MACROD1: variants seen among roughly 807,000 people sequenced by gnomAD.
MACROD1 encodes the protein ADP-ribose glycohydrolase MACROD1.
In MACROD1, 31 loss-of-function variants were observed where a neutral mutation model predicts 41.4. The observed-to-expected ratio is 0.75, with a 90% CI of 0.56 to 1.01. The LOEUF (loss-of-function observed/expected upper bound fraction) is 1.01. MACROD1 is among the 50% of genes least tolerant of loss of function. MACROD1 has a pLI of 0.00. For synonymous variants in MACROD1, 252 were observed against 203.4 expected (o/e 1.24, Z -2.03); for missense variants, 473 against 460.0 (o/e 1.03, Z -0.26).
Position 64,005,445 on chromosome 11 carries a change from T to C in MACROD1, c.548-5102A>G, listed in dbSNP as rs1274000100. Among the ~76,000 whole-genome samples the C allele has an allele frequency of 3.9e-5, 6 of 152,204 alleles. No individual in the cohort carries two copies. In the East Asian group the frequency reaches 7.7e-4, roughly 20 times the overall value. On this transcript the variant is annotated intron_variant, in intron 4 of 10. Transcript: ENST00000255681. Reference sequence around the variant, plus strand: ...GCCTTGCCTGGGCAGCTCTTGCCCCTGGCCCCCACCTTCCTAGACTCCTGT... The same window carrying C: ...GCCTTGCCTGGGCAGCTCTTGCCCCCGGCCCCCACCTTCCTAGACTCCTGT...
Position 63,998,954 on chromosome 11 carries a change from C to T in MACROD1, c.973+1G>A. On this transcript the variant is annotated splice_donor_variant, in intron 9 of 10. Coordinates refer to ENST00000255681, the MANE Select transcript of MACROD1 (RefSeq NM_014067.4). LOFTEE classifies it high-confidence loss of function. The stretch of plus-strand genomic sequence containing the variant: ...GCCGTGGGGCGGCGCGGGGCACGTA[C>T]CCACGGGGAAGTAGTGGGGGAGCCG... 5.6e-6 allele frequency: 9 copies of T among 1,596,246 alleles called. No individual in the cohort carries two copies. The highest frequency in any genetic ancestry group is 2.3e-5 in the East Asian group (1 of 44,358).
At chr11:64,107,274 G>A (rs1206970173) in intron 3 of MACROD1, among the ~76,000 whole-genome samples, 2 of 152,364 alleles carry the variant, frequency 1.3e-5, no homozygotes, top group Middle Eastern at 3.4e-3. Context: ...AATATCAGGT[G>A]TAGGAGCATC....
intron 3 of MACROD1, among the ~76,000 whole-genome samples, chr11:64,101,739 G>A (rs1041312860): frequency 1.1e-4 from 17 of 152,130 alleles, no homozygotes; most frequent in Admixed American, 9.2e-4. Flanking sequence ...TCCCTCCTGC[G>A]TAAGCCCCAC....
chr11:64,003,665 G>A (rs1457354230), intron 4 of MACROD1, among the ~76,000 whole-genome samples: 2 of 152,186 alleles, frequency 1.3e-5, no homozygotes, highest in Non-Finnish European at 2.9e-5. Flanking sequence ...GTTTATAGAA[G>A]AAGAAACTGA....
intron 3 of MACROD1, among the ~76,000 whole-genome samples, chr11:64,060,147 T>G (rs1943871378): frequency 6.6e-6 from 1 of 152,236 alleles, no homozygotes. Flanking sequence ...TTCTGTCAAG[T>G]GAATGAATAT....
intron 3 of MACROD1, among the ~76,000 whole-genome samples, chr11:64,128,308 T>C (rs615924): frequency 0.064 from 9,767 of 152,216 alleles, 395 homozygotes; most frequent in Middle Eastern, 0.15. Context: ...TCTGGGGCTG[T>C]CGAGGGCTCT....
intron 3 of MACROD1, among the ~76,000 whole-genome samples, chr11:64,113,504 G>A (rs1325903251): frequency 6.6e-6 from 1 of 151,186 alleles, no homozygotes; most frequent in Non-Finnish European, 1.5e-5. Flanking sequence ...ATGGTTGGAT[G>A]GATGGATAAT....
chr11:64,031,478 T>TA (rs1344315537), intron 3 of MACROD1, among the ~76,000 whole-genome samples: 1 of 129,178 alleles, frequency 7.7e-6, no homozygotes, highest in East Asian at 2.1e-4. Flanking sequence ...CTGCCTTCCT[T>TA]TTTTTTTTTT....
At chr11:64,046,515 A>C (rs903085193) in intron 3 of MACROD1, among the ~76,000 whole-genome samples, 1 of 152,202 alleles carries the variant, frequency 6.6e-6, no homozygotes, top group African/African-American at 2.4e-5. Context: ...GCTGTGCTCC[A>C]GCCCAGGTCA....
In MACROD1 at chr11:64,064,427, C is replaced by A. The variant is rs944793658; in HGVS notation, c.518-49146G>T. 2.0e-5 allele frequency among the ~76,000 whole-genome samples: 3 copies of A among 152,166 alleles called. No individual in the cohort carries two copies. Among genetic ancestry groups the A allele is most frequent in the Non-Finnish European group, 4.4e-5 (3 of 68,028 alleles). On this transcript the variant is annotated intron_variant, in intron 3 of 10. Coordinates refer to ENST00000255681, the MANE Select transcript of MACROD1 (RefSeq NM_014067.4). The surrounding 1 kb of genome is among the most constrained non-coding windows in gnomAD (Gnocchi z 4.5). ...GGCCAGTGCCGGGACTCCAGCTCCT[C>A]TGGGCACTGGGCAGGCAATCTCTGT...
At chr11:64,139,342 C>T (rs1188200448) in intron 3 of MACROD1, among the ~76,000 whole-genome samples, 1 of 152,196 alleles carries the variant, frequency 6.6e-6, no homozygotes, top group Non-Finnish European at 1.5e-5. Flanking sequence ...CAGGAGACTC[C>T]CACACAGCCG....
intron 4 of MACROD1, among the ~76,000 whole-genome samples, chr11:64,013,001 A>AT (rs909002950): frequency 7.5e-5 from 11 of 146,598 alleles, no homozygotes; most frequent in East Asian, 2.1e-4. Context: ...TGGTTAGTTG[A>AT]TTTTTTTTTG....
chr11:64,096,148 C>T lies in MACROD1; in HGVS notation c.517+55091G>A, dbSNP rs948609517. 4.6e-5 allele frequency among the ~76,000 whole-genome samples: 7 copies of T among 152,256 alleles called. No homozygotes were observed. Among genetic ancestry groups the T allele is most frequent in the African/African-American group, 1.2e-4 (5 of 41,470 alleles). ...CCAGACCCTGGAGGCCAGGAGGGGA[C>T]CAGGGCTGCCCGCCGGCTCCACCAC... On this transcript the variant is annotated intron_variant, in intron 3 of 10. Transcript: ENST00000255681. This position sits in a 1 kb window ranked among gnomAD's most constrained non-coding sequence, Gnocchi z 4.6.
At chr11:64,137,429 GAAAGA>G (rs991671826) in intron 3 of MACROD1, among the ~76,000 whole-genome samples, 17 of 152,076 alleles carry the variant, frequency 1.1e-4, no homozygotes, top group Non-Finnish European at 2.2e-4. Flanking sequence ...GCCAAGAGGA[GAAAGA>G]AAAGAAGGCA....
chr11:64,124,675 C>T (rs1452468326), intron 3 of MACROD1, among the ~76,000 whole-genome samples: 1 of 152,012 alleles, frequency 6.6e-6, no homozygotes, highest in African/African-American at 2.4e-5. Context: ...CAGAGCAAAG[C>T]CTGGTCTTTT....
At chr11:64,073,046 C>G (rs991947362) in intron 3 of MACROD1, among the ~76,000 whole-genome samples, 3 of 152,160 alleles carry the variant, frequency 2.0e-5, no homozygotes, top group African/African-American at 7.2e-5. Context: ...GCCAGCAGGC[C>G]CAGCTCCTGA....
rs771759889 is a variant in MACROD1, at chr11:64,146,912, G to A, written c.517+4327C>T. 7.0e-4 allele frequency among the ~76,000 whole-genome samples: 105 copies of A among 150,006 alleles called. No homozygotes were observed. The highest frequency in any genetic ancestry group is 5.0e-4 in the Non-Finnish European group (34 of 67,630). On this transcript the variant is annotated intron_variant, in intron 3 of 10. Transcript: ENST00000255681. This position sits in a 1 kb window ranked among gnomAD's most constrained non-coding sequence, Gnocchi z 4.7. ...ATGCTACATCACAAACACACGCACC[G>A]CACACATCACACACACAGGCCAAAC... is the stretch of plus-strand genomic sequence containing the variant.
intron 3 of MACROD1, among the ~76,000 whole-genome samples, chr11:64,018,691 C>G (rs1017894083): frequency 3.9e-5 from 6 of 152,200 alleles, no homozygotes; most frequent in Non-Finnish European, 5.9e-5. Context: ...GCACCACCCC[C>G]CTCAGTTTGC....
chr11:64,019,326 C>T (rs1177654047), intron 3 of MACROD1, among the ~76,000 whole-genome samples: 1 of 152,122 alleles, frequency 6.6e-6, no homozygotes, highest in East Asian at 2.0e-4. Flanking sequence ...CCAGTCACTG[C>T]CAAGTCCTCT....
Sources: allele counts gnomAD v4.1 joint callset (sites outside exome capture counted in the v4.1 genomes callset), GRCh38; gene constraint gnomAD v4.1.1; non-coding constraint Gnocchi (gnomAD v3.1); transcripts MANE v1.5; gene names NCBI Gene and HGNC (gene_info 2026-07-23, HGNC 2026-07-21).